The following SHANK2 variants were observed in gnomAD, a reference collection of about 807,000 sequenced individuals.
SHANK2 encodes the protein SH3 and multiple ankyrin repeat domains protein 2.
SHANK2 carries 43 observed loss-of-function variants against 133.7 expected under a neutral mutation model. That is an observed-to-expected ratio of 0.32 (90% confidence interval 0.25 to 0.41). The LOEUF (loss-of-function observed/expected upper bound fraction) is 0.41, where lower values mean the gene tolerates loss of function less well. Ranked by LOEUF, SHANK2 falls within the 10% of genes least tolerant of loss-of-function variation. SHANK2 has a pLI of 1.00. For missense variants in SHANK2, 1,994 were observed against 2,235.8 expected, an observed-to-expected ratio of 0.89 and a Z score of 2.18; for synonymous variants, 1,017 against 952.8, an observed-to-expected ratio of 1.07 and a Z score of -1.24.
chr11:71,191,470 CAGGGTCATCCCTCCACGCATCCCTCAT>C (rs1164004939), intron 2 of SHANK2, among the ~76,000 whole-genome samples: 11 of 152,164 alleles, frequency 7.2e-5, no homozygotes, highest in East Asian at 3.9e-4. Flanking sequence ...TGTGTCCTCA[CAGGGTCATCCCTCCACGCATCCCTCAT>C]AGGGTCATCC....
intron 6 of SHANK2, among the ~76,000 whole-genome samples, chr11:71,102,772 G>A (rs1408964005): frequency 3.3e-5 from 5 of 152,194 alleles, no homozygotes; most frequent in African/African-American, 1.2e-4. Context: ...TTGAGAGCAG[G>A]GACCCCCCAG....
Position 70,753,173 on chromosome 11 carries a change from T to TAA in SHANK2, c.1777+45268_1777+45269dup, listed in dbSNP as rs201365664. On this transcript the variant is annotated intron_variant, in intron 14 of 25. Transcript: ENST00000601538. ...ATGAGGCAGAAACCAACAGAACTGT[T>TAA]AAAAAAAAAAAAACAAAAAACAAAC... Among the ~76,000 whole-genome samples the TAA allele has an allele frequency of 2.6e-3, 320 of 121,588 alleles. 1 individual carries two copies. The highest frequency in any genetic ancestry group is 8.9e-3 in the Middle Eastern group (2 of 224). 79.8% of individuals were successfully genotyped at this position (121,588 alleles called of 152,430 possible).
At chr11:70,819,210 C>G (rs1948467032) in intron 12 of SHANK2, among the ~76,000 whole-genome samples, 1 of 152,244 alleles carries the variant, frequency 6.6e-6, no homozygotes, top group African/African-American at 2.4e-5. Flanking sequence ...GAGGGAGTGC[C>G]AAGTCACCAG....
intron 22 of SHANK2, among the ~76,000 whole-genome samples, chr11:70,490,781 C>A (rs1392485159): frequency 6.6e-6 from 1 of 152,152 alleles, no homozygotes; most frequent in Admixed American, 6.5e-5. Context: ...GGGTCCATAC[C>A]CCACTCCCCA....
chr11:70,707,567 G>A (rs1945693617), intron 14 of SHANK2, among the ~76,000 whole-genome samples: 1 of 151,876 alleles, frequency 6.6e-6, no homozygotes. Flanking sequence ...AGACAAGCTC[G>A]AGCTTAAATC....
intron 2 of SHANK2, among the ~76,000 whole-genome samples, chr11:71,219,127 A>T (rs1954481137): frequency 1.3e-5 from 2 of 152,208 alleles, no homozygotes; most frequent in South Asian, 4.1e-4. Context: ...CATTTCTCAG[A>T]ATCACATCAG....
rs544477564 is a variant in SHANK2 at position 70,755,781 on chromosome 11, C to T, written c.1777+42662G>A. 3.9e-5 allele frequency among the ~76,000 whole-genome samples: 6 copies of T among 152,340 alleles called. 1 individual carries two copies. The highest frequency in any genetic ancestry group is 7.2e-5 in the African/African-American group (3 of 41,594). On this transcript the variant is annotated intron_variant, in intron 14 of 25. Coordinates refer to ENST00000601538, the MANE Select transcript of SHANK2 (RefSeq NM_012309.5). ...ACAGGCCACAAGAGGGAAGACACCG[C>T]GCCAGCAGATTCCTGGAACGCCGCG...
intron 14 of SHANK2, among the ~76,000 whole-genome samples, chr11:70,731,501 A>T (rs532098597): frequency 1.3e-5 from 2 of 152,336 alleles, no homozygotes; most frequent in South Asian, 4.1e-4. Context: ...GGAATCACAC[A>T]GTACACAATG....
At chr11:70,848,272 A>G (rs1176041124) in intron 11 of SHANK2, among the ~76,000 whole-genome samples, 2 of 152,196 alleles carry the variant, frequency 1.3e-5, no homozygotes, top group African/African-American at 4.8e-5. Context: ...TTTTATCAAA[A>G]TGTGCCTTAC....
In SHANK2 at chr11:71,156,980, G is replaced by A. The variant is rs181311062; in HGVS notation, c.-12-9642C>T. Among the ~76,000 whole-genome samples, 3 of 152,342 alleles carry A rather than the reference G, an allele frequency of 2.0e-5. No individual in the cohort carries two copies. The East Asian group carries it at 5.8e-4, about 29-fold the overall frequency. On this transcript the variant is annotated intron_variant, in intron 2 of 25. Coordinates refer to ENST00000601538, the MANE Select transcript of SHANK2 (RefSeq NM_012309.5). The stretch of plus-strand genomic sequence containing the variant: ...AGCACCCTGCCAAGTATTATCGCCT[G>A]AAAGAGGGATAGCATTAGGAGATAT...
At chr11:71,085,506 GTTATA>G (rs1377922314) in intron 8 of SHANK2, among the ~76,000 whole-genome samples, 32 of 106,252 alleles carry the variant, frequency 3.0e-4, no homozygotes, top group Non-Finnish European at 5.1e-4. Context: ...TAATATATAT[GTTATA>G]TTATATATGC....
intron 17 of SHANK2, among the ~76,000 whole-genome samples, chr11:70,605,806 C>T (rs1015594952): frequency 1.2e-4 from 19 of 152,282 alleles, no homozygotes; most frequent in Middle Eastern, 3.4e-3. Context: ...GGAAACTGCA[C>T]GGCAACAGGC....
intron 10 of SHANK2, among the ~76,000 whole-genome samples, chr11:70,902,557 C>T (rs1950038438): frequency 6.6e-6 from 1 of 152,210 alleles, no homozygotes; most frequent in Non-Finnish European, 1.5e-5. Flanking sequence ...CTTTCTGGAG[C>T]CTTTGCTGTG....
chr11:70,553,982 TAA>T (rs1297516125), intron 17 of SHANK2, among the ~76,000 whole-genome samples: 2 of 152,192 alleles, frequency 1.3e-5, no homozygotes, highest in African/African-American at 4.8e-5. Flanking sequence ...GCAATCTGAA[TAA>T]AGTCATGAAA....
intron 17 of SHANK2, among the ~76,000 whole-genome samples, chr11:70,509,374 G>A (rs1261751824): frequency 1.3e-5 from 2 of 152,336 alleles, no homozygotes; most frequent in East Asian, 1.9e-4. Context: ...CTCCCCCAGG[G>A]GCCCAGTGTG....
At chr11:70,818,352 C>A (rs1948445221) in intron 12 of SHANK2, among the ~76,000 whole-genome samples, 1 of 152,196 alleles carries the variant, frequency 6.6e-6, no homozygotes, top group African/African-American at 2.4e-5. Flanking sequence ...CATTCTGTCC[C>A]CCGTTCCTCA....
Position 70,502,743 on chromosome 11 carries a change from C to CG in SHANK2, c.2197+52_2197+53insC, listed in dbSNP as rs1165986040. ...CCCCAGCTGTCCTGCCCGCCCCCAC[C>CG]CCCCCCCCCCAGTAGGGCCCCAGGC... On this transcript the variant is annotated intron_variant, in intron 18 of 25. Coordinates refer to ENST00000601538, the MANE Select transcript of SHANK2 (RefSeq NM_012309.5). 72 of 665,290 alleles carry CG rather than the reference C, an allele frequency of 1.1e-4. 4 individuals are homozygous for CG. In the South Asian group the frequency reaches 1.2e-3, roughly 11 times the overall value. The allele number at this position is 665,290 out of a possible 1,614,324, so 41.2% of individuals were successfully genotyped here.
intron 17 of SHANK2, among the ~76,000 whole-genome samples, chr11:70,643,569 A>G (rs1416564309): frequency 3.4e-5 from 4 of 118,960 alleles, no homozygotes; most frequent in Non-Finnish European, 6.6e-5. Flanking sequence ...CCGTCTCGGA[A>G]AAAAAAAAAA....
At chr11:70,808,915 C>T (rs932759734) in intron 12 of SHANK2, among the ~76,000 whole-genome samples, 2 of 152,274 alleles carry the variant, frequency 1.3e-5, no homozygotes, top group South Asian at 2.1e-4. Context: ...CAGTTCCCAG[C>T]GGCCCCAGCG....
Sources: allele counts gnomAD v4.1 joint callset (sites outside exome capture counted in the v4.1 genomes callset), GRCh38; gene constraint gnomAD v4.1.1; transcripts MANE v1.5; gene names NCBI Gene and HGNC (gene_info 2026-07-23, HGNC 2026-07-21).